The following PRKN variants were observed in gnomAD, a reference collection of about 807,000 sequenced individuals.
The protein encoded by PRKN is E3 ubiquitin-protein ligase parkin.
In PRKN, 56 loss-of-function variants were observed where a neutral mutation model predicts 59.5. The observed-to-expected ratio is 0.94, with a 90% CI of 0.76 to 1.18. The LOEUF is 1.18. Ranked by LOEUF, PRKN falls within the 50% of genes most tolerant of loss-of-function variation. The pLI is 0.00. For missense variants in PRKN, 657 were observed against 596.4 expected (o/e 1.10, Z -1.06); for synonymous variants, 250 against 222.1 (o/e 1.13, Z -1.12).
chr6:162,218,091 C>A (rs1382378070), intron 3 of PRKN, among the ~76,000 whole-genome samples: 1 of 152,150 alleles, frequency 6.6e-6, no homozygotes, highest in Non-Finnish European at 1.5e-5. Context: ...GTGGCAACAG[C>A]CAGCCACAGC....
intron 6 of PRKN, among the ~76,000 whole-genome samples, chr6:161,941,776 CA>C (rs1416175447): frequency 2.6e-5 from 4 of 152,148 alleles, no homozygotes; most frequent in African/African-American, 9.7e-5. Context: ...GCCCCCATGA[CA>C]TGCCCTGGGA....
intron 7 of PRKN, among the ~76,000 whole-genome samples, chr6:161,608,986 A>G (rs1280508289): frequency 2.0e-5 from 3 of 152,206 alleles, no homozygotes; most frequent in Admixed American, 1.3e-4. Context: ...TCAAACATAC[A>G]GAATAGCTGT....
intron 7 of PRKN, among the ~76,000 whole-genome samples, chr6:161,649,140 A>C (rs576642996): frequency 1.2e-4 from 19 of 152,326 alleles, no homozygotes; most frequent in Non-Finnish European, 2.1e-4. Flanking sequence ...AAAGTGTTGA[A>C]AAGACAGTGA....
intron 1 of PRKN, among the ~76,000 whole-genome samples, chr6:162,725,265 G>T (rs927273685): frequency 7.2e-5 from 11 of 152,174 alleles, no homozygotes; most frequent in African/African-American, 2.7e-4. Flanking sequence ...ACCTTTAACA[G>T]AAAATCCCAG....
intron 2 of PRKN, among the ~76,000 whole-genome samples, chr6:162,356,791 A>C (rs1011392992): frequency 6.6e-6 from 1 of 151,130 alleles, no homozygotes; most frequent in South Asian, 2.1e-4. Flanking sequence ...ACAATAAACA[A>C]ATCAATGGAG....
At chr6:161,688,598 T>C (rs978259060) in intron 7 of PRKN, among the ~76,000 whole-genome samples, 1 of 152,248 alleles carries the variant, frequency 6.6e-6, no homozygotes, top group Non-Finnish European at 1.5e-5. Context: ...CTTTGTGGAA[T>C]GCCTGTGATG....
At chr6:161,634,255 C>T (rs550365850) in intron 7 of PRKN, among the ~76,000 whole-genome samples, 1 of 152,232 alleles carries the variant, frequency 6.6e-6, no homozygotes, top group South Asian at 2.1e-4. Flanking sequence ...TAGTAGACAC[C>T]CCTGGTGAGC....
chr6:162,339,185 C>G (rs1344579191), intron 2 of PRKN, among the ~76,000 whole-genome samples: 2 of 150,794 alleles, frequency 1.3e-5, no homozygotes, highest in Non-Finnish European at 3.0e-5. Flanking sequence ...GCAGCCACCC[C>G]ATCTGGGAAG....
At chr6:162,004,829 T>TCA (rs1374212828) in intron 5 of PRKN, among the ~76,000 whole-genome samples, 3 of 152,142 alleles carry the variant, frequency 2.0e-5, no homozygotes, top group Non-Finnish European at 2.9e-5. Context: ...TCACATATGA[T>TCA]TACGAATGGA....
At chr6:161,430,119 G>C (rs1384458180) in intron 9 of PRKN, among the ~76,000 whole-genome samples, 1 of 152,110 alleles carries the variant, frequency 6.6e-6, no homozygotes, top group East Asian at 1.9e-4. Context: ...TTTTATAATG[G>C]GCCGTGAGCA....
intron 5 of PRKN, among the ~76,000 whole-genome samples, chr6:162,031,530 T>G (rs1783639708): frequency 7.4e-6 from 1 of 135,022 alleles, no homozygotes; most frequent in African/African-American, 3.5e-5. Flanking sequence ...TCTTTTTCTT[T>G]TCTTTTTCTT....
intron 6 of PRKN, among the ~76,000 whole-genome samples, chr6:161,920,915 C>G (rs1408645763): frequency 1.3e-5 from 2 of 152,162 alleles, no homozygotes; most frequent in Non-Finnish European, 2.9e-5. Flanking sequence ...TTGTATACCA[C>G]TGTAGACGTT....
chr6:161,761,621 C>G (rs562218124), intron 7 of PRKN, among the ~76,000 whole-genome samples: 1 of 152,248 alleles, frequency 6.6e-6, no homozygotes, highest in African/African-American at 2.4e-5. Flanking sequence ...TCCTGGCTTC[C>G]AAGTAAGAAA....
chr6:162,710,984 A>G (rs1778516546), intron 1 of PRKN, among the ~76,000 whole-genome samples: 1 of 152,176 alleles, frequency 6.6e-6, no homozygotes. Flanking sequence ...CTTTGGAGGA[A>G]CCATATCCCC....
At chr6:161,804,874 C>T (rs1791242165) in intron 6 of PRKN, among the ~76,000 whole-genome samples, 2 of 152,190 alleles carry the variant, frequency 1.3e-5, no homozygotes, top group East Asian at 3.9e-4. Context: ...ACTTTCTAAG[C>T]CTGACATTTT....
intron 1 of PRKN, among the ~76,000 whole-genome samples, chr6:162,510,822 C>T (rs916701855): frequency 2.0e-5 from 3 of 152,052 alleles, no homozygotes; most frequent in Non-Finnish European, 4.4e-5. Context: ...ACTCGGGAGG[C>T]TGAGGCAGGA....
Position 161,349,820 on chromosome 6 carries a change from G to T in PRKN, c.*279C>A. 1.9e-6 allele frequency: 1 copy of T among 531,304 alleles called. No homozygotes were observed. Among genetic ancestry groups the T allele is most frequent in the Non-Finnish European group, 3.4e-6 (1 of 290,894 alleles). The allele number at this position is 531,304 out of a possible 1,614,324, so 32.9% of individuals were successfully genotyped here. A position where few individuals can be genotyped will look rare whatever the true frequency, so the allele number is the denominator to read the frequency against. ...CATCCGGAGGCTGAGAACGCCTGTT[G>T]GTGGTGTCGCAGATGGCTCTGCTGT... On this transcript the variant is annotated 3_prime_UTR_variant, in exon 12 of 12. Coordinates refer to ENST00000366898, the MANE Select transcript of PRKN (RefSeq NM_004562.3). The surrounding 1 kb of genome is among the most constrained non-coding windows in gnomAD (Gnocchi z 5.5).
At chr6:162,054,965 C>A (rs2128285825) in intron 4 of PRKN, among the ~76,000 whole-genome samples, 1 of 152,224 alleles carries the variant, frequency 6.6e-6, no homozygotes, top group South Asian at 2.1e-4. Flanking sequence ...AGTTCAAGAC[C>A]AGTCTGACTA....
At chr6:162,395,934 T>G (rs887030223) in intron 2 of PRKN, among the ~76,000 whole-genome samples, 2 of 152,230 alleles carry the variant, frequency 1.3e-5, no homozygotes, top group African/African-American at 4.8e-5. Context: ...GTTGTAGAAC[T>G]CAGGCACTGT....
Sources: allele counts gnomAD v4.1 joint callset (sites outside exome capture counted in the v4.1 genomes callset), GRCh38; gene constraint gnomAD v4.1.1; non-coding constraint Gnocchi (gnomAD v3.1); transcripts MANE v1.5; gene names NCBI Gene and HGNC (gene_info 2026-07-23, HGNC 2026-07-21).